The following FAM53B variants were observed in gnomAD, a reference collection of about 807,000 sequenced individuals.
FAM53B encodes family with sequence similarity 53 member B.
In FAM53B, 12 loss-of-function variants were observed where a neutral mutation model predicts 32.7. That is an observed-to-expected ratio of 0.37 (90% CI 0.24 to 0.59). The LOEUF is 0.59. FAM53B is among the 20% of genes least tolerant of loss of function. The probability of loss-of-function intolerance (pLI) is 0.72; values close to 1 mark genes in which losing one functional copy is unlikely to be tolerated. For synonymous variants in FAM53B, 234 were observed against 228.7 expected, an observed-to-expected ratio of 1.02 and a Z score of -0.21; for missense variants, 477 against 577.7, an observed-to-expected ratio of 0.83 and a Z score of 1.79.
intron 4 of FAM53B, 34 bp downstream of exon 4, chr10:124,681,573 C>A: frequency 3.3e-6 from 5 of 1,527,156 alleles, no homozygotes; most frequent in Non-Finnish European, 2.7e-6. Flanking sequence ...CTCCAGTGAG[C>A]ACCAAGGTGA....
chr10:124,661,045 G>A (rs1309368717), intron 4 of FAM53B, among the ~76,000 whole-genome samples: 1 of 122,548 alleles, frequency 8.2e-6, no homozygotes, highest in African/African-American at 3.1e-5. Context: ...TACCCCAAAA[G>A]CTACTGAAAT....
chr10:124,671,026 C>T (rs1466719081), intron 4 of FAM53B: 2 of 409,178 alleles, frequency 4.9e-6, no homozygotes, highest in African/African-American at 4.1e-5. Flanking sequence ...AGATCTCCCG[C>T]CCCGCTGGAG....
chr10:124,661,825 C>G (rs1036932043), intron 4 of FAM53B, among the ~76,000 whole-genome samples: 11 of 152,392 alleles, frequency 7.2e-5, no homozygotes, highest in Middle Eastern at 3.4e-3. Flanking sequence ...TCATCCACAA[C>G]AGTGACAACT....
At chr10:124,625,817 C>T in intron 4 of FAM53B, among the ~76,000 whole-genome samples, 1 of 152,238 alleles carries the variant, frequency 6.6e-6, no homozygotes, top group East Asian at 1.9e-4. Flanking sequence ...GTGTCCCGGG[C>T]TCTGCTGAGC....
intron 4 of FAM53B, among the ~76,000 whole-genome samples, chr10:124,660,468 C>G (rs1289999286): frequency 6.6e-6 from 1 of 152,242 alleles, no homozygotes; most frequent in Admixed American, 6.5e-5. Context: ...GATACCAAGG[C>G]TCCAGTTAGC....
chr10:124,702,712 G>A (rs958865851), intron 2 of FAM53B, among the ~76,000 whole-genome samples: 23 of 152,182 alleles, frequency 1.5e-4, no homozygotes, highest in African/African-American at 4.6e-4. Flanking sequence ...CAAGGACAGG[G>A]AGGAGGTACC....
At chr10:124,663,685 G>A (rs1364777531) in intron 4 of FAM53B, among the ~76,000 whole-genome samples, 1 of 152,188 alleles carries the variant, frequency 6.6e-6, no homozygotes, top group African/African-American at 2.4e-5. Flanking sequence ...GTGCCGGAAG[G>A]TGAACTGCAC....
rs568473551 is a variant in FAM53B at position 124,705,860 on chromosome 10, G to A, written c.78+776C>T. ...GTCCTCACGAGGAGCCGTGAAGGGC[G>A]CCAGGAGGGGTCCTGGGCAAGGTGA... On this transcript the variant is annotated intron_variant, in intron 2 of 4. Coordinates refer to ENST00000337318, the MANE Select transcript of FAM53B (RefSeq NM_014661.4). 8.5e-5 allele frequency among the ~76,000 whole-genome samples: 13 copies of A among 152,366 alleles called. No individual in the cohort carries two copies. In the South Asian group the frequency reaches 2.7e-3, roughly 32 times the overall value.
At position 124,626,392 on chromosome 10, in the gene FAM53B, C is replaced by T. The variant is rs993824810; in HGVS notation, c.907-2788G>A. 2.1e-5 allele frequency among the ~76,000 whole-genome samples: 3 copies of T among 141,846 alleles called. 1 individual carries two copies. Among genetic ancestry groups the T allele is most frequent in the Admixed American group, 6.8e-5 (1 of 14,630 alleles). The allele number at this position is 141,846 out of a possible 152,430, so 93.1% of individuals were successfully genotyped here. ...GGTGCTACGGTCGAAATTTGTGCCC[C>T]CCCCCCCCCCACCATTCCTCAGTGC... On this transcript the variant is annotated intron_variant, in intron 4 of 4. Coordinates refer to ENST00000337318, the MANE Select transcript of FAM53B (RefSeq NM_014661.4).
At chr10:124,740,158 A>G (rs1158011696) in intron 1 of FAM53B, among the ~76,000 whole-genome samples, 2 of 152,170 alleles carry the variant, frequency 1.3e-5, no homozygotes, top group Non-Finnish European at 2.9e-5. Context: ...TCTGTTGCTC[A>G]GGATCTCAGA....
At chr10:124,679,941 G>A (rs763611419) in intron 4 of FAM53B, among the ~76,000 whole-genome samples, 2 of 152,214 alleles carry the variant, frequency 1.3e-5, no homozygotes, top group Non-Finnish European at 2.9e-5. Flanking sequence ...CTATCTAGCT[G>A]ATTAGGTAAT....
chr10:124,631,647 G>T (rs1949391931), intron 4 of FAM53B, among the ~76,000 whole-genome samples: 1 of 152,178 alleles, frequency 6.6e-6, no homozygotes, highest in African/African-American at 2.4e-5. Context: ...CTTTCCCAAG[G>T]CCCCTCTTCC....
chr10:124,704,609 C>A (rs1949938193), intron 2 of FAM53B, among the ~76,000 whole-genome samples: 1 of 152,156 alleles, frequency 6.6e-6, no homozygotes, highest in African/African-American at 2.4e-5. Flanking sequence ...TCACGCTTGG[C>A]ATATTGGAAT....
chr10:124,630,232 G>A (rs910328402), intron 4 of FAM53B, among the ~76,000 whole-genome samples: 2 of 152,192 alleles, frequency 1.3e-5, no homozygotes, highest in Admixed American at 1.3e-4. Flanking sequence ...GGGCAACATG[G>A]CAAAACCCCA....
At chr10:124,704,509 G>A (rs1204232090) in intron 2 of FAM53B, among the ~76,000 whole-genome samples, 1 of 152,242 alleles carries the variant, frequency 6.6e-6, no homozygotes, top group Non-Finnish European at 1.5e-5. Context: ...TGTAGGTTGA[G>A]TAGCCAGAGA....
chr10:124,740,294 G>A (rs913300516), intron 1 of FAM53B, among the ~76,000 whole-genome samples: 4 of 151,672 alleles, frequency 2.6e-5, no homozygotes, highest in African/African-American at 9.8e-5. Context: ...CTGTGCACAG[G>A]AGGTTTGGAT....
intron 3 of FAM53B, among the ~76,000 whole-genome samples, chr10:124,691,325 G>A (rs1008167532): frequency 6.6e-6 from 1 of 152,144 alleles, no homozygotes; most frequent in African/African-American, 2.4e-5. Flanking sequence ...GAACTGGGGC[G>A]GCACAAGGAG....
At chr10:124,711,729 A>C (rs1194279027) in intron 1 of FAM53B, among the ~76,000 whole-genome samples, 1 of 152,176 alleles carries the variant, frequency 6.6e-6, no homozygotes, top group Non-Finnish European at 1.5e-5. Context: ...TTCGCCATGA[A>C]ATCACTCGAC....
intron 1 of FAM53B, among the ~76,000 whole-genome samples, chr10:124,728,051 T>C (rs991339907): frequency 1.3e-5 from 2 of 152,192 alleles, no homozygotes; most frequent in African/African-American, 4.8e-5. Context: ...TTCAGACCCC[T>C]GAAAACACTC....
Sources: gnomAD v4.1 joint callset for allele counts (sites outside exome capture counted in the v4.1 genomes callset) on GRCh38, gnomAD v4.1.1 for gene constraint, MANE v1.5 for transcripts, NCBI Gene and HGNC (gene_info 2026-07-23, HGNC 2026-07-21) for gene names.